TIMM17A: variants seen among roughly 807,000 people sequenced by gnomAD.
TIMM17A encodes the protein mitochondrial import inner membrane translocase subunit Tim17-A.
In TIMM17A, 15 loss-of-function variants were observed where a neutral mutation model predicts 26.5. The ratio of observed to expected loss-of-function variants is 0.57; its 90% CI spans 0.38 to 0.87. The LOEUF is 0.87. TIMM17A is among the 40% of genes least tolerant of loss of function. The pLI is 0.00. For missense variants in TIMM17A, 201 were observed against 210.0 expected (o/e 0.96, Z 0.27); for synonymous variants, 80 against 70.8 (o/e 1.13, Z -0.66).
At chr1:201,969,340 A>G (rs1682691013) in intron 5 of TIMM17A, 129 bp from the exon 6 acceptor site, 1 of 716,692 alleles carries the variant, frequency 1.4e-6, no homozygotes, top group Non-Finnish European at 2.3e-6. Flanking sequence ...CTATAAAGAA[A>G]TTTAGGGTTA....
rs1682430011 is a variant in TIMM17A at position 201,957,258 on chromosome 1, C to G, written c.27-23C>G. The G allele has an allele frequency of 2.1e-6, 3 of 1,462,254 alleles. No individual in the cohort carries two copies. The African/African-American group carries it at 4.2e-5, about 21-fold the overall frequency. 90.6% of individuals were successfully genotyped at this position (1,462,254 alleles called of 1,614,324 possible). A position where few individuals can be genotyped will look rare whatever the true frequency, so the allele number is the denominator to read the frequency against. ...ATGGTTTGTGAATGAGAAATATGGT[C>G]TTTTTTTTCCCCCTGTTCTTAGCCC... On this transcript the variant is annotated intron_variant, in intron 1 of 5. Transcript: ENST00000367287.
At chr1:201,961,300 C>T (rs1037686215) in intron 3 of TIMM17A, among the ~76,000 whole-genome samples, 3 of 152,102 alleles carry the variant, frequency 2.0e-5, no homozygotes, top group African/African-American at 7.2e-5. Flanking sequence ...CTCTTGAGCT[C>T]AGGCAGTCCA....
In TIMM17A at chr1:201,963,666, G is replaced by A. The variant is rs1467563370; in HGVS notation, c.241G>A (p.Val81Ile). 1 of 1,611,320 alleles carries A rather than the reference G, an allele frequency of 6.2e-7. No individual in the cohort carries two copies. Among genetic ancestry groups the A allele is most frequent in the African/African-American group, 1.3e-5 (1 of 74,748 alleles). Reference protein sequence around the residue: ...GLFSMIDCSMVQVRGKEDPWN... With the variant: ...GLFSMIDCSMIQVRGKEDPWN... ...GTTTTCCATGATTGACTGTAGTATG[G>A]TTCAAGTCAGAGGAAAGGAAGATCC... Residue 81 changes from valine (V) to isoleucine (I), a missense_variant, in exon 4 of 6, where the codon GTT becomes ATT. By Grantham distance (29) the Val-to-Ile change is conservative. Coordinates refer to ENST00000367287, the MANE Select transcript of TIMM17A (RefSeq NM_006335.3).
At position 201,964,635 on chromosome 1, in the gene TIMM17A, C is replaced by CTTTTTTTTTTTTTTT. The variant is rs570309464; in HGVS notation, c.320-781_320-767dup. Among the ~76,000 whole-genome samples, 8 of 90,950 alleles carry CTTTTTTTTTTTTTTT rather than the reference C, an allele frequency of 8.8e-5. 1 individual carries two copies. The highest frequency in any genetic ancestry group is 3.2e-4 in the East Asian group (1 of 3,130). The allele number at this position is 90,950 out of a possible 152,430, so 59.7% of individuals were successfully genotyped here. ...TTTATTTATTTATTTTATTTTATTTCTTTTTTTTTTTTTTTTTTTTTTTTT... is the reference window on the plus strand; with the variant it reads ...TTTATTTATTTATTTTATTTTATTTCTTTTTTTTTTTTTTTTTTTTTTTTTTTTTTTTTTTTTTTT... On this transcript the variant is annotated intron_variant, in intron 4 of 5. Transcript: ENST00000367287.
At chr1:201,960,361 T>C (rs1274523818) in intron 3 of TIMM17A, among the ~76,000 whole-genome samples, 2 of 151,858 alleles carry the variant, frequency 1.3e-5, no homozygotes, top group African/African-American at 4.8e-5. Flanking sequence ...GATTGTGCCA[T>C]TGCACTCTAG....
intron 5 of TIMM17A, among the ~76,000 whole-genome samples, 199 bp downstream of exon 5, chr1:201,965,742 ATCTT>A (rs1450558192): frequency 6.6e-6 from 1 of 152,236 alleles, no homozygotes; most frequent in Non-Finnish European, 1.5e-5. Context: ...TTTGCTGTTG[ATCTT>A]TCTTTATAGT....
chr1:201,964,635 CTTTTTTTTTTTTTTTTT>C (rs570309464), intron 4 of TIMM17A, among the ~76,000 whole-genome samples: 2 of 90,954 alleles, frequency 2.2e-5, no homozygotes, highest in East Asian at 6.4e-4. Context: ...TATTTTATTT[CTTTTTTTTTTTTTTTTT>C]TTTTTTTTTT....
intron 3 of TIMM17A, among the ~76,000 whole-genome samples, chr1:201,960,399 C>CAAA: frequency 7.2e-6 from 1 of 138,648 alleles, no homozygotes; most frequent in African/African-American, 2.6e-5. Context: ...GACTCTGTCT[C>CAAA]AAAAAAAAAA....
At chr1:201,956,785 G>A (rs1275232470) in intron 1 of TIMM17A, among the ~76,000 whole-genome samples, 12 of 151,954 alleles carry the variant, frequency 7.9e-5, no homozygotes, top group Admixed American at 7.9e-4. Context: ...GTGAAACCCC[G>A]TCTCTACTAA....
chr1:201,964,933 C>G (rs1478958728), intron 4 of TIMM17A, among the ~76,000 whole-genome samples: 1 of 149,540 alleles, frequency 6.7e-6, no homozygotes, highest in African/African-American at 2.5e-5. Context: ...CGGGCGTGAG[C>G]CACTGCGCCC....
intron 3 of TIMM17A, 153 bp downstream of exon 3, chr1:201,957,727 G>T: frequency 1.7e-6 from 1 of 578,762 alleles, no homozygotes; most frequent in Non-Finnish European, 2.9e-6. Flanking sequence ...TTGATTTGTA[G>T]TTTGTTTGAA....
At chr1:201,968,223 G>T (rs549903875) in intron 5 of TIMM17A, among the ~76,000 whole-genome samples, 1 of 151,044 alleles carries the variant, frequency 6.6e-6, no homozygotes, top group Non-Finnish European at 1.5e-5. Context: ...GGCTGGTCTC[G>T]AACTCCTGAC....
chr1:201,969,672 T>C lies in TIMM17A; in HGVS notation c.*118T>C, dbSNP rs561988724. ...TGGGACAGCTATGGCCAATAGGCTA[T>C]AAAGAGACATTTAGCACTTTTTTCT... On this transcript the variant is annotated 3_prime_UTR_variant, in exon 6 of 6. Coordinates refer to ENST00000367287, the MANE Select transcript of TIMM17A (RefSeq NM_006335.3). 5 of 763,520 alleles carry C rather than the reference T, an allele frequency of 6.5e-6. No homozygotes were observed. The Admixed American group carries it at 1.1e-4, about 16-fold the overall frequency. 47.3% of individuals were successfully genotyped at this position (763,520 alleles called of 1,614,324 possible). A position where few individuals can be genotyped will look rare whatever the true frequency, so the allele number is the denominator to read the frequency against.
intron 3 of TIMM17A, chr1:201,958,161 G>A (rs1682464114): frequency 6.5e-6 from 1 of 153,228 alleles, no homozygotes; most frequent in Non-Finnish European, 1.4e-5. Context: ...TCAGGTTCGT[G>A]AGTCAGGACC....
At chr1:201,966,991 T>TTGTGTGTGTGTGTGTG (rs759557626) in intron 5 of TIMM17A, among the ~76,000 whole-genome samples, 2,001 of 133,036 alleles carry the variant, frequency 0.015, 54 homozygotes, top group Admixed American at 0.049. Flanking sequence ...ATTATATATG[T>TTGTGTGTGTGTGTGTG]TGTGTGTGTG....
chr1:201,961,310 A>G (rs1223296987), intron 3 of TIMM17A, among the ~76,000 whole-genome samples: 1 of 150,520 alleles, frequency 6.6e-6, no homozygotes, highest in Non-Finnish European at 1.5e-5. Flanking sequence ...CAGGCAGTCC[A>G]CCCGTCTTGG....
At chr1:201,968,434 G>A (rs956621002) in intron 5 of TIMM17A, among the ~76,000 whole-genome samples, 11 of 147,154 alleles carry the variant, frequency 7.5e-5, no homozygotes, top group Admixed American at 4.8e-4. Flanking sequence ...GCTCTGTCTC[G>A]CAGGCTGGAG....
intron 3 of TIMM17A, among the ~76,000 whole-genome samples, chr1:201,959,916 G>T (rs1682492709): frequency 6.6e-6 from 1 of 151,790 alleles, no homozygotes; most frequent in African/African-American, 2.4e-5. Flanking sequence ...CACAAGAATG[G>T]CTGAACCCGG....
intron 3 of TIMM17A, among the ~76,000 whole-genome samples, chr1:201,960,608 T>G (rs1366992870): frequency 6.6e-6 from 1 of 152,128 alleles, no homozygotes; most frequent in Non-Finnish European, 1.5e-5. Context: ...AGGAAGCTAT[T>G]GAGAAGTTTT....
Sources: allele counts gnomAD v4.1 joint callset (sites outside exome capture counted in the v4.1 genomes callset), GRCh38; gene constraint gnomAD v4.1.1; transcripts MANE v1.5; gene names NCBI Gene and HGNC (gene_info 2026-07-23, HGNC 2026-07-21).